The following KIAA1958 variants were observed in gnomAD, a reference collection of about 807,000 sequenced individuals.
KIAA1958 encodes uncharacterized protein KIAA1958.
Under a neutral mutation model 47.2 loss-of-function variants are expected in KIAA1958, and 14 were observed. The observed-to-expected ratio is 0.30, with a 90% CI of 0.20 to 0.46. The LOEUF is 0.46. Ranked by LOEUF, KIAA1958 falls within the 20% of genes least tolerant of loss-of-function variation. The pLI is 1.00. For synonymous variants in KIAA1958, 354 were observed against 353.3 expected, an observed-to-expected ratio of 1.00 and a Z score of -0.02; for missense variants, 803 against 909.2, an observed-to-expected ratio of 0.88 and a Z score of 1.50.
chr9:112,589,677 A>C (rs1032336860), intron 2 of KIAA1958, among the ~76,000 whole-genome samples: 1 of 152,160 alleles, frequency 6.6e-6, no homozygotes, highest in Non-Finnish European at 1.5e-5. Context: ...GTAGGATGGG[A>C]TATGTTGTGA....
At chr9:112,540,582 A>G (rs777426001) in intron 1 of KIAA1958, among the ~76,000 whole-genome samples, 38 of 152,224 alleles carry the variant, frequency 2.5e-4, no homozygotes, top group Non-Finnish European at 5.6e-4. Context: ...ATATTTACAT[A>G]TTTAAAAATT....
At position 112,546,446 on chromosome 9, in the gene KIAA1958, G is replaced by C. The variant is rs139384905; in HGVS notation, c.-24-27611G>C. ...TAGCCAACTAGCAGCCATCACAGCT[G>C]CTCTTCCTATGCAGCTGCCACTCTT... On this transcript the variant is annotated intron_variant, in intron 1 of 3. Transcript: ENST00000337530. Among the ~76,000 whole-genome samples the C allele has an allele frequency of 2.2e-3, 341 of 151,786 alleles. 1 individual carries two copies. The highest frequency in any genetic ancestry group is 7.4e-3 in the African/African-American group (307 of 41,406).
chr9:112,608,845 C>T (rs1836278660), intron 2 of KIAA1958, among the ~76,000 whole-genome samples: 1 of 151,910 alleles, frequency 6.6e-6, no homozygotes, highest in African/African-American at 2.4e-5. Flanking sequence ...TCAAGGCCAG[C>T]CTGGGCAATG....
chr9:112,618,766 C>T lies in KIAA1958; in HGVS notation c.1172-26884C>T, dbSNP rs1405738441. 3.9e-6 allele frequency: 6 copies of T among 1,550,540 alleles called. No individual in the cohort carries two copies. The highest frequency in any genetic ancestry group is 5.2e-6 in the Non-Finnish European group (6 of 1,147,022). ...AAACCAACTTCAGTGTGTATCAGAG[C>T]TGCAGCACCTTGTCTGAGGCCCAGA... On this transcript the variant is annotated intron_variant, in intron 2 of 3. Coordinates refer to ENST00000337530, the MANE Select transcript of KIAA1958 (RefSeq NM_133465.4). The surrounding 1 kb of genome is among the most constrained non-coding windows in gnomAD (Gnocchi z 7.1).
chr9:112,592,235 TATTA>T (rs1207223807), intron 2 of KIAA1958, among the ~76,000 whole-genome samples: 1 of 152,184 alleles, frequency 6.6e-6, no homozygotes, highest in Non-Finnish European at 1.5e-5. Context: ...CATACTGACA[TATTA>T]ATTCTTTGAA....
chr9:112,617,598 C>T (rs550309769), intron 2 of KIAA1958, among the ~76,000 whole-genome samples: 2 of 152,144 alleles, frequency 1.3e-5, no homozygotes, highest in African/African-American at 4.8e-5. Flanking sequence ...CTCTCTCTTT[C>T]GACAAACCTT....
intron 1 of KIAA1958, among the ~76,000 whole-genome samples, chr9:112,571,555 C>T (rs1835533728): frequency 6.6e-6 from 1 of 152,128 alleles, no homozygotes; most frequent in Non-Finnish European, 1.5e-5. Flanking sequence ...ACATTGCTGC[C>T]TTAACAAATT....
At chr9:112,525,917 CTTTCTT>C (rs1564159344) in intron 1 of KIAA1958, among the ~76,000 whole-genome samples, 1 of 110,880 alleles carries the variant, frequency 9.0e-6, no homozygotes, top group Non-Finnish European at 1.9e-5. Flanking sequence ...CATTTATATT[CTTTCTT>C]CTTCTTCTTC....
chr9:112,585,419 G>C (rs1186402849), intron 2 of KIAA1958, among the ~76,000 whole-genome samples: 1 of 152,256 alleles, frequency 6.6e-6, no homozygotes, highest in African/African-American at 2.4e-5. Flanking sequence ...GGAGTTGACT[G>C]TAGCTTGAGA....
intron 2 of KIAA1958, among the ~76,000 whole-genome samples, chr9:112,639,559 G>T (rs1256913466): frequency 6.6e-6 from 1 of 152,120 alleles, no homozygotes; most frequent in Non-Finnish European, 1.5e-5. Context: ...CTCTCCCCAT[G>T]CCTCCCCCTG....
At chr9:112,522,111 A>G (rs1278379468) in intron 1 of KIAA1958, among the ~76,000 whole-genome samples, 1 of 152,158 alleles carries the variant, frequency 6.6e-6, no homozygotes. Context: ...AGCTGGGATT[A>G]CAGGCATGTG....
At chr9:112,638,104 G>A (rs974837223) in intron 2 of KIAA1958, among the ~76,000 whole-genome samples, 10 of 152,216 alleles carry the variant, frequency 6.6e-5, no homozygotes, top group South Asian at 2.1e-4. Context: ...AGCAGAGATC[G>A]TGCCACTGCA....
chr9:112,533,947 G>T (rs1161900940), intron 1 of KIAA1958, among the ~76,000 whole-genome samples: 1 of 152,144 alleles, frequency 6.6e-6, no homozygotes, highest in East Asian at 1.9e-4. Context: ...GAATTGCTGG[G>T]TCTGTGAGTA....
chr9:112,545,200 T>A (rs1348055131), intron 1 of KIAA1958, among the ~76,000 whole-genome samples: 1 of 152,238 alleles, frequency 6.6e-6, no homozygotes, highest in Non-Finnish European at 1.5e-5. Flanking sequence ...CTGCTTGTTT[T>A]GCAGAAAATA....
intron 1 of KIAA1958, among the ~76,000 whole-genome samples, chr9:112,499,776 C>T (rs1346762516): frequency 2.0e-5 from 3 of 150,590 alleles, no homozygotes. Context: ...GCAAGCTCCG[C>T]CTCCCAGGTT....
chr9:112,556,926 C>G (rs1288162287), intron 1 of KIAA1958, among the ~76,000 whole-genome samples: 1 of 152,148 alleles, frequency 6.6e-6, no homozygotes, highest in East Asian at 1.9e-4. Flanking sequence ...AGACATATTT[C>G]AGATCACAGT....
At chr9:112,505,970 C>A (rs2132771294) in intron 1 of KIAA1958, among the ~76,000 whole-genome samples, 1 of 152,266 alleles carries the variant, frequency 6.6e-6, no homozygotes, top group African/African-American at 2.4e-5. Context: ...AAATGTGTCA[C>A]CAAATTCTAG....
chr9:112,598,946 G>A (rs1836081910), intron 2 of KIAA1958, among the ~76,000 whole-genome samples: 1 of 152,118 alleles, frequency 6.6e-6, no homozygotes, highest in Non-Finnish European at 1.5e-5. Flanking sequence ...GCTGGGTGCA[G>A]TAGCGTGTGC....
At chr9:112,596,201 T>A (rs1836028777) in intron 2 of KIAA1958, among the ~76,000 whole-genome samples, 2 of 152,302 alleles carry the variant, frequency 1.3e-5, no homozygotes, top group South Asian at 4.1e-4. Context: ...ATTACTTAAT[T>A]TTTCACCCTT....
Sources: gnomAD v4.1 joint callset for allele counts (sites outside exome capture counted in the v4.1 genomes callset) on GRCh38, gnomAD v4.1.1 for gene constraint, Gnocchi (gnomAD v3.1) non-coding constraint, MANE v1.5 for transcripts, NCBI Gene and HGNC (gene_info 2026-07-23, HGNC 2026-07-21) for gene names.